Variants in C2orf49 observed in about 807,000 individuals in gnomAD.
The protein encoded by C2orf49 is tRNA-splicing ligase complex subunit ASW.
Under a neutral mutation model 20.6 loss-of-function variants are expected in C2orf49, and 11 were observed. That is an observed-to-expected ratio of 0.53 (90% CI 0.34 to 0.88). The LOEUF is 0.88. Ranked by LOEUF, C2orf49 falls within the 40% of genes least tolerant of loss-of-function variation. The probability of loss-of-function intolerance (pLI) is 0.02; values close to 1 mark genes in which losing one functional copy is unlikely to be tolerated. For synonymous variants in C2orf49, 134 were observed against 108.5 expected, an observed-to-expected ratio of 1.24 and a Z score of -1.46; for missense variants, 289 against 274.2, an observed-to-expected ratio of 1.05 and a Z score of -0.38.
At chr2:105,354,348 G>T in the C2orf49 span, among the ~76,000 whole-genome samples, 4 of 152,086 alleles carry the variant, frequency 2.6e-5, no homozygotes, top group Non-Finnish European at 5.9e-5. Context: ...CCGGTTGAGG[G>T]TAGACTAGTT....
the C2orf49 span, chr2:105,361,345 C>T: frequency 6.2e-7 from 1 of 1,614,064 alleles, no homozygotes; most frequent in Non-Finnish European, 8.5e-7. Context: ...AAGCCACGCC[C>T]CACCAGTGAG....
chr2:105,375,379 G>A, the C2orf49 span: 1 of 152,210 alleles, frequency 6.6e-6, no homozygotes, highest in Non-Finnish European at 1.5e-5. Flanking sequence ...AGAACATCTG[G>A]GAATAGGATT....
chr2:105,351,894 G>A, downstream of C2orf49, among the ~76,000 whole-genome samples: 1 of 152,166 alleles, frequency 6.6e-6, no homozygotes, highest in Non-Finnish European at 1.5e-5. Context: ...CATTTCTATA[G>A]ATATTTCTAT....
chr2:105,356,763 T>G, the C2orf49 span, among the ~76,000 whole-genome samples: 3 of 152,208 alleles, frequency 2.0e-5, no homozygotes, highest in Non-Finnish European at 2.9e-5. Context: ...ATTATATAGC[T>G]ATATTATTTT....
the C2orf49 span, among the ~76,000 whole-genome samples, chr2:105,362,254 A>G: frequency 3.3e-5 from 5 of 152,238 alleles, no homozygotes; most frequent in African/African-American, 1.2e-4. Context: ...AAATGACCAG[A>G]AACAGATATT....
chr2:105,354,775 C>A, the C2orf49 span, among the ~76,000 whole-genome samples: 1 of 152,036 alleles, frequency 6.6e-6, no homozygotes, highest in Admixed American at 6.5e-5. Flanking sequence ...TTAAATTAAA[C>A]CTTAAGCCAA....
At chr2:105,362,731 T>TAATA in the C2orf49 span, among the ~76,000 whole-genome samples, 2 of 152,188 alleles carry the variant, frequency 1.3e-5, no homozygotes, top group Admixed American at 6.5e-5. Flanking sequence ...CCAGCCTGCT[T>TAATA]AATAGTCTAG....
At chr2:105,371,766 T>TGGGCCCTTG in the C2orf49 span, among the ~76,000 whole-genome samples, 1 of 152,180 alleles carries the variant, frequency 6.6e-6, no homozygotes, top group African/African-American at 2.4e-5. Flanking sequence ...GAAGCTTCCT[T>TGGGCCCTTG]GGGCCCTTGT....
downstream of C2orf49, among the ~76,000 whole-genome samples, chr2:105,352,448 T>TC (rs1679959193): frequency 9.2e-6 from 1 of 108,624 alleles, no homozygotes; most frequent in African/African-American, 3.0e-5. Context: ...TTTTTTTTTT[T>TC]TTCGTTTTTT....
chr2:105,356,637 A>G, the C2orf49 span, among the ~76,000 whole-genome samples: 19,179 of 152,260 alleles, frequency 0.13, 1,279 homozygotes, highest in African/African-American at 0.15. Flanking sequence ...ACCATAGTTT[A>G]CAACCCCTGA....
the C2orf49 span, among the ~76,000 whole-genome samples, chr2:105,384,643 G>T: frequency 2.7e-3 from 406 of 152,302 alleles, 5 homozygotes; most frequent in African/African-American, 9.3e-3. Context: ...AAGTAGCTGG[G>T]ATTACAGATA....
intron 3 of C2orf49, among the ~76,000 whole-genome samples, chr2:105,344,805 G>A (rs2679843): frequency 0.27 from 40,437 of 151,456 alleles, 5,714 homozygotes; most frequent in South Asian, 0.34. Flanking sequence ...GGCCAGGCTG[G>A]TCTCAAACTC....
At position 105,339,657 on chromosome 2, in the gene C2orf49, A is replaced by G. The variant is rs1008366461; in HGVS notation, c.174A>G (p.Ile58Met). The G allele has an allele frequency of 1.9e-6, 3 of 1,610,030 alleles. No homozygotes were observed. The highest frequency in any genetic ancestry group is 4.5e-5 in the East Asian group (2 of 44,666). The change falls in exon 2 of 4, where the codon ATA (isoleucine) becomes ATG (methionine). Residue 58 changes from isoleucine (I) to methionine (M), a missense_variant. Physicochemically the swap from Ile to Met is conservative, Grantham distance 10. Transcript: ENST00000258457. ...SLTDLYVQHA[I>M]PLPQRDLPKN... Reference sequence around the variant, plus strand: ...CTGACCTTTATGTCCAACATGCAATACCATTGCCTCAGAGGGATTTGCCGA... The same window carrying G: ...CTGACCTTTATGTCCAACATGCAATGCCATTGCCTCAGAGGGATTTGCCGA...
At chr2:105,351,429 A>G (rs1240295658), downstream of C2orf49, among the ~76,000 whole-genome samples, 1 of 151,346 alleles carries the variant, frequency 6.6e-6, no homozygotes, top group Non-Finnish European at 1.5e-5. Context: ...AAGTACCTAA[A>G]TTATTTGGAA....
chr2:105,373,404 C>T, the C2orf49 span: 73 of 740,228 alleles, frequency 9.9e-5, no homozygotes, highest in East Asian at 4.3e-4. Flanking sequence ...GTCCCTGCTT[C>T]GTAAGTACTC....
chr2:105,360,346 G>A, the C2orf49 span: 1 of 149,894 alleles, frequency 6.7e-6, no homozygotes, highest in African/African-American at 2.4e-5. Context: ...AGGAAGAGGT[G>A]CCTGGTGCTG....
chr2:105,342,993 G>A lies in C2orf49; in HGVS notation c.412G>A (p.Ala138Thr), dbSNP rs1679711769. The A allele has an allele frequency of 1.9e-6, 3 of 1,614,216 alleles. No individual in the cohort carries two copies. The highest frequency in any genetic ancestry group is 2.5e-6 in the Non-Finnish European group (3 of 1,180,046). Reference protein sequence around the residue: ...PPPQASFTSNAFRKLSNSSSS... With the variant: ...PPPQASFTSNTFRKLSNSSSS... Reference sequence around the variant, plus strand: ...CCCGCAGGCAAGCTTTACCAGTAATGCCTTTAGAAAATTATCAAATTCCTC... The same window carrying A: ...CCCGCAGGCAAGCTTTACCAGTAATACCTTTAGAAAATTATCAAATTCCTC... Residue 138 changes from alanine (A) to threonine (T), a missense_variant, in exon 3 of 4, where the codon GCC becomes ACC. Coordinates refer to ENST00000258457, the MANE Select transcript of C2orf49 (RefSeq NM_024093.3).
At chr2:105,360,113 T>G in the C2orf49 span, 2 of 151,966 alleles carry the variant, frequency 1.3e-5, no homozygotes, top group Non-Finnish European at 2.9e-5. Flanking sequence ...AAGACCAGCC[T>G]AACATGGTGA....
At chr2:105,363,391 C>T in the C2orf49 span, 1 of 1,613,976 alleles carries the variant, frequency 6.2e-7, no homozygotes, top group Non-Finnish European at 8.5e-7. Context: ...GCCCAGACAG[C>T]TGCTTCCTGC....
Sources: gnomAD v4.1 joint callset for allele counts (sites outside exome capture counted in the v4.1 genomes callset) on GRCh38, gnomAD v4.1.1 for gene constraint, MANE v1.5 for transcripts, NCBI Gene and HGNC (gene_info 2026-07-23, HGNC 2026-07-21) for gene names.